RAB19: variants seen among roughly 807,000 people sequenced by gnomAD.
RAB19 encodes the protein RAB19, member RAS oncogene family, also known as ras-related protein Rab-19.
RAB19 carries 21 observed loss-of-function variants against 17.3 expected under a neutral mutation model. The ratio of observed to expected loss-of-function variants is 1.21; its 90% CI spans 0.86 to 1.74. The LOEUF (loss-of-function observed/expected upper bound fraction) is 1.74, where lower values mean the gene tolerates loss of function less well. Ranked by LOEUF, RAB19 falls within the 40% of genes most tolerant of loss-of-function variation. The probability of loss-of-function intolerance (pLI) is 0.00; values close to 1 mark genes in which losing one functional copy is unlikely to be tolerated. For synonymous variants in RAB19, 126 were observed against 110.4 expected (o/e 1.14, Z -0.88); for missense variants, 277 against 286.8 (o/e 0.97, Z 0.25).
chr7:140,416,646 C>T (rs1799463200), intron 3 of RAB19, among the ~76,000 whole-genome samples: 1 of 152,194 alleles, frequency 6.6e-6, no homozygotes, highest in Non-Finnish European at 1.5e-5. Context: ...TGTCACTGTG[C>T]ACTTAGCAAA....
rs1799212882 is a variant in RAB19, at chr7:140,405,168, A to T, written c.-24+951A>T. Among the ~76,000 whole-genome samples the T allele has an allele frequency of 8.8e-5, 13 of 147,858 alleles. 1 individual carries two copies. The South Asian group carries it at 3.0e-3, about 34-fold the overall frequency. Reference sequence around the variant, plus strand: ...TGGGGAAGAGACAGAGCAAGAGGGGAGGGGAGGGGAGGGAAGAGAGACAGA... The same window carrying T: ...TGGGGAAGAGACAGAGCAAGAGGGGTGGGGAGGGGAGGGAAGAGAGACAGA... On this transcript the variant is annotated intron_variant, in intron 1 of 3. Transcript: ENST00000537763.
At chr7:140,410,827 A>C in intron 2 of RAB19, 1 of 726,074 alleles carries the variant, frequency 1.4e-6, no homozygotes, top group Non-Finnish European at 2.0e-6. Context: ...TTTTATATAA[A>C]TAGTATGAGA....
intron 2 of RAB19, among the ~76,000 whole-genome samples, chr7:140,409,289 G>C (rs926645968): frequency 2.0e-5 from 3 of 152,068 alleles, no homozygotes; most frequent in African/African-American, 7.2e-5. Flanking sequence ...TCTCAAACCT[G>C]GGAGGCAGAG....
chr7:140,413,468 G>A (rs1799402464), intron 3 of RAB19, among the ~76,000 whole-genome samples: 1 of 152,072 alleles, frequency 6.6e-6, no homozygotes. Context: ...CAGCACTTTG[G>A]GAAGCTGAGG....
At chr7:140,420,563 T>C (rs975097123) in intron 3 of RAB19, among the ~76,000 whole-genome samples, 39 of 151,972 alleles carry the variant, frequency 2.6e-4, no homozygotes, top group African/African-American at 8.7e-4. Flanking sequence ...TAAGCACAAT[T>C]CAAAGAAAGT....
intron 3 of RAB19, among the ~76,000 whole-genome samples, chr7:140,419,631 T>G (rs567037985): frequency 1.3e-5 from 2 of 152,312 alleles, no homozygotes; most frequent in East Asian, 3.9e-4. Flanking sequence ...ATATGTTTAT[T>G]GATGCCGATG....
chr7:140,423,745 CTG>C (rs1799602418), intron 3 of RAB19, among the ~76,000 whole-genome samples: 1 of 152,160 alleles, frequency 6.6e-6, no homozygotes, highest in African/African-American at 2.4e-5. Context: ...AGTGCTTTGA[CTG>C]TGGTGGTGAT....
chr7:140,409,030 G>A (rs193006765), intron 2 of RAB19, among the ~76,000 whole-genome samples: 75 of 152,252 alleles, frequency 4.9e-4, no homozygotes, highest in Middle Eastern at 3.4e-3. Flanking sequence ...AAAGTGCCGG[G>A]ATTACAGGCG....
At chr7:140,414,003 C>T (rs1448464423) in intron 3 of RAB19, among the ~76,000 whole-genome samples, 1 of 152,262 alleles carries the variant, frequency 6.6e-6, no homozygotes, top group African/African-American at 2.4e-5. Flanking sequence ...TTCCTCAGGG[C>T]TGAGTGGGAA....
chr7:140,416,016 G>T (rs1393626378), intron 3 of RAB19, among the ~76,000 whole-genome samples: 1 of 151,368 alleles, frequency 6.6e-6, no homozygotes, highest in South Asian at 2.1e-4. Context: ...ATCAGCCTGG[G>T]CAACATAGCA....
Position 140,426,218 on chromosome 7 carries a change from G to A in RAB19, c.*68G>A, listed in dbSNP as rs899767824. On this transcript the variant is annotated 3_prime_UTR_variant, in exon 4 of 4. Transcript: ENST00000537763. Reference sequence around the variant, plus strand: ...TGAAACCAAAGGTAGCCAGGATACCGTAGTGTTGCCCCAGTGGCGCTTTAG... The same window carrying A: ...TGAAACCAAAGGTAGCCAGGATACCATAGTGTTGCCCCAGTGGCGCTTTAG... 1.9e-5 allele frequency: 30 copies of A among 1,552,304 alleles called. No individual in the cohort carries two copies. The East Asian group carries it at 3.2e-4, about 16-fold the overall frequency.
chr7:140,417,735 A>G (rs929662125), intron 3 of RAB19, among the ~76,000 whole-genome samples: 5 of 152,204 alleles, frequency 3.3e-5, no homozygotes, highest in African/African-American at 4.8e-5. Flanking sequence ...TGGAGGTGTC[A>G]GCAGGGCCGT....
intron 2 of RAB19, among the ~76,000 whole-genome samples, chr7:140,409,786 G>A (rs1799316862): frequency 6.6e-6 from 1 of 151,978 alleles, no homozygotes. Context: ...GAGGTCAGGA[G>A]ATTGAGACCA....
At chr7:140,410,359 AC>A (rs1799335639) in intron 2 of RAB19, among the ~76,000 whole-genome samples, 2 of 109,276 alleles carry the variant, frequency 1.8e-5, no homozygotes, top group South Asian at 6.2e-4. Flanking sequence ...TCGCCCTGTC[AC>A]CCAGGCCGAA....
At chr7:140,405,551 G>A (rs966186562) in intron 1 of RAB19, among the ~76,000 whole-genome samples, 2 of 90,686 alleles carry the variant, frequency 2.2e-5, no homozygotes, top group South Asian at 4.1e-4. Context: ...AGAGATGGGC[G>A]GGGAGGGGGG....
rs891584624 is a variant in RAB19, at chr7:140,426,694, T to G, written c.*544T>G. Among the ~76,000 whole-genome samples, 3 of 152,134 alleles carry G rather than the reference T, an allele frequency of 2.0e-5. No homozygotes were observed. Among genetic ancestry groups the G allele is most frequent in the Non-Finnish European group, 4.4e-5 (3 of 68,024 alleles). ...GGTCTTCACTTTGGGGAGCGAAGCC[T>G]TTTAGCAGAAATACCAGAAGTACCA... On this transcript the variant is annotated 3_prime_UTR_variant, in exon 4 of 4. Coordinates refer to ENST00000537763, the MANE Select transcript of RAB19 (RefSeq NM_001008749.3).
intron 1 of RAB19, among the ~76,000 whole-genome samples, chr7:140,406,711 C>T (rs1419708339): frequency 2.0e-5 from 3 of 150,492 alleles, no homozygotes; most frequent in African/African-American, 4.9e-5. Context: ...TATGCCATAA[C>T]ATTATAGCCA....
In RAB19 at chr7:140,407,650, C is replaced by A. The variant is rs776077715; in HGVS notation, c.4C>A (p.His2Asn). 111 of 1,613,948 alleles carry A rather than the reference C, an allele frequency of 6.9e-5. 1 individual carries two copies. In the East Asian group the frequency reaches 2.5e-3, roughly 36 times the overall value. Residue 2 changes from histidine to asparagine, a missense_variant, in exon 2 of 4, where the codon CAC (histidine) becomes AAC (asparagine). Coordinates refer to ENST00000537763, the MANE Select transcript of RAB19 (RefSeq NM_001008749.3). M[H>N]FSSSARAADE... ...TCTGTTCTAGGTGGCAAGAACCATG[C>A]ACTTCTCCAGCTCAGCCAGGGCAGC...
At position 140,404,207 on chromosome 7, in the gene RAB19, G is replaced by C. The variant is rs1799193254; in HGVS notation, c.-34G>C. 1 of 152,354 alleles carries C rather than the reference G, an allele frequency of 6.6e-6. No homozygotes were observed. The highest frequency in any genetic ancestry group is 1.5e-5 in the Non-Finnish European group (1 of 68,142). The allele number at this position is 152,354 out of a possible 1,614,324, so 9.4% of individuals were successfully genotyped here. On this transcript the variant is annotated 5_prime_UTR_variant, in exon 1 of 4. Coordinates refer to ENST00000537763, the MANE Select transcript of RAB19 (RefSeq NM_001008749.3). ...TACCTGCTGACCAGCAGAGGTGAGA[G>C]AGCGAGACAGGTAAGCGACAGGTGA...
Sources: allele counts gnomAD v4.1 joint callset (sites outside exome capture counted in the v4.1 genomes callset), GRCh38; gene constraint gnomAD v4.1.1; transcripts MANE v1.5; gene names NCBI Gene and HGNC (gene_info 2026-07-23, HGNC 2026-07-21).